RFX2: variants seen among roughly 807,000 people sequenced by gnomAD.
RFX2 encodes the protein DNA-binding protein RFX2.
Under a neutral mutation model 87.8 loss-of-function variants are expected in RFX2, and 20 were observed. That is an observed-to-expected ratio of 0.23 (90% CI 0.16 to 0.33). The LOEUF is 0.33. Ranked by LOEUF, RFX2 falls within the 10% of genes least tolerant of loss-of-function variation. The pLI is 1.00. For synonymous variants in RFX2, 397 were observed against 431.3 expected (o/e 0.92, Z 0.98); for missense variants, 767 against 1,012.3 (o/e 0.76, Z 3.29).
In RFX2 at chr19:6,045,154, A is replaced by G. The variant is rs1193960975; in HGVS notation, c.91-872T>C. On this transcript the variant is annotated intron_variant, in intron 2 of 17. Coordinates refer to ENST00000303657, the MANE Select transcript of RFX2 (RefSeq NM_000635.4). The surrounding 1 kb of genome is among the most constrained non-coding windows in gnomAD (Gnocchi z 5.2). ...ATCACGAGGGGTGATGGGTGAGGAC[A>G]CGCCATCCCCTGTGTTGCAGGAGTG... is the stretch of plus-strand genomic sequence containing the variant. Among the ~76,000 whole-genome samples, 1 of 152,144 alleles carries G rather than the reference A, an allele frequency of 6.6e-6. No individual in the cohort carries two copies. The highest frequency in any genetic ancestry group is 1.5e-5 in the Non-Finnish European group (1 of 68,028).
intron 5 of RFX2, among the ~76,000 whole-genome samples, chr19:6,028,247 C>T (rs544201734): frequency 3.3e-5 from 5 of 151,398 alleles, no homozygotes; most frequent in Non-Finnish European, 7.4e-5. Flanking sequence ...GGAATGATTC[C>T]GCATCTTCAC....
chr19:6,070,181 A>ATGGAAAGGGATGTGGATGGAG (rs2087583445), intron 1 of RFX2, among the ~76,000 whole-genome samples: 5 of 78 alleles, frequency 0.064, 1 homozygote, highest in Middle Eastern at 0.5. Flanking sequence ...ATGGGATGGG[A>ATGGAAAGGGATGTGGATGGAG]TGGGATGGGA....
At chr19:6,104,429 T>C (rs914531090) in intron 1 of RFX2, among the ~76,000 whole-genome samples, 7 of 148,202 alleles carry the variant, frequency 4.7e-5, no homozygotes, top group Non-Finnish European at 8.9e-5. Flanking sequence ...ATTAGCCAGT[T>C]GTGGTGGTGG....
At position 5,997,044 on chromosome 19, in the gene RFX2, C is replaced by T. The variant is rs1450209236; in HGVS notation, c.2013+16G>A. 5 of 1,603,800 alleles carry T rather than the reference C, an allele frequency of 3.1e-6. No homozygotes were observed. The highest frequency in any genetic ancestry group is 4.2e-6 in the Non-Finnish European group (5 of 1,177,218). ...CCCGGCCAAGCCCCGGCCGTCCCACCCAGGAGGGTCCTCACCTCTCCCATC... is the reference window on the plus strand; with the variant it reads ...CCCGGCCAAGCCCCGGCCGTCCCACTCAGGAGGGTCCTCACCTCTCCCATC... On this transcript the variant is annotated intron_variant, in intron 16 of 17. Coordinates refer to ENST00000303657, the MANE Select transcript of RFX2 (RefSeq NM_000635.4). This position sits in a 1 kb window ranked among gnomAD's most constrained non-coding sequence, Gnocchi z 4.2.
In RFX2 at chr19:6,040,485, C is replaced by T. The variant is rs1338734192; in HGVS notation, c.261-244G>A. 6.6e-6 allele frequency among the ~76,000 whole-genome samples: 1 copy of T among 152,170 alleles called. No individual in the cohort carries two copies. Among genetic ancestry groups the T allele is most frequent in the Non-Finnish European group, 1.5e-5 (1 of 68,030 alleles). On this transcript the variant is annotated intron_variant, in intron 4 of 17. Transcript: ENST00000303657. The surrounding 1 kb of genome is among the most constrained non-coding windows in gnomAD (Gnocchi z 6.1). ...GACCACTTAAAAATTCTAGGCCAGG[C>T]GTGGTGGCTCACGCCTGTAATCCCA...
chr19:6,048,869 C>T (rs372337528), intron 1 of RFX2, among the ~76,000 whole-genome samples: 4 of 147,520 alleles, frequency 2.7e-5, no homozygotes, highest in African/African-American at 9.9e-5. Context: ...CACCACCGCT[C>T]CCCGGCCCCC....
chr19:6,092,592 A>T (rs530875432), intron 1 of RFX2, among the ~76,000 whole-genome samples: 8 of 152,332 alleles, frequency 5.3e-5, no homozygotes, highest in Non-Finnish European at 7.3e-5. Context: ...CCAGCCCAGC[A>T]GCCAGGCCTC....
rs138462567 is a variant in RFX2 at position 6,002,388 on chromosome 19, C to T, written c.1650+333G>A. On this transcript the variant is annotated intron_variant, in intron 14 of 17. Transcript: ENST00000303657. This position sits in a 1 kb window ranked among gnomAD's most constrained non-coding sequence, Gnocchi z 6.7. ...GCATAGCTCGGAAGCTGCTGTGGGC[C>T]GACACTTTGCCAAGCCCAGGGGACA... Among the ~76,000 whole-genome samples the T allele has an allele frequency of 8.8e-4, 134 of 152,352 alleles. No homozygotes were observed. Among genetic ancestry groups the T allele is most frequent in the Non-Finnish European group, 1.5e-3 (100 of 68,036 alleles).
intron 6 of RFX2, among the ~76,000 whole-genome samples, chr19:6,025,632 GTTA>G (rs1041707008): frequency 3.3e-5 from 5 of 152,198 alleles, no homozygotes; most frequent in Admixed American, 2.6e-4. Flanking sequence ...GGTAGGTGTT[GTTA>G]TTATCTACCT....
chr19:5,998,433 C>T lies in RFX2; in HGVS notation c.1860-1220G>A, dbSNP rs373474252. 1.5e-3 allele frequency among the ~76,000 whole-genome samples: 225 copies of T among 152,330 alleles called. 1 individual carries two copies. Among genetic ancestry groups the T allele is most frequent in the African/African-American group, 5.1e-3 (213 of 41,568 alleles). On this transcript the variant is annotated intron_variant, in intron 15 of 17. Transcript: ENST00000303657. This position sits in a 1 kb window ranked among gnomAD's most constrained non-coding sequence, Gnocchi z 4.2. ...GGCGGCCCCCAATGCCCAACTGCCC[C>T]GGCTCGAAGTATACTTTCATAAACT... is the stretch of plus-strand genomic sequence containing the variant.
rs545490836 is a variant in RFX2 at position 6,048,517 on chromosome 19, T to A, written c.-8-1013A>T. ...GTGGCTTTGTGATCAGGCACACCAG[T>A]CCCCCGTCCTGGCACCAGCTTTGAG... On this transcript the variant is annotated intron_variant, in intron 1 of 17. Coordinates refer to ENST00000303657, the MANE Select transcript of RFX2 (RefSeq NM_000635.4). 6.6e-5 allele frequency among the ~76,000 whole-genome samples: 10 copies of A among 152,236 alleles called. No individual in the cohort carries two copies. The East Asian group carries it at 1.9e-3, about 29-fold the overall frequency.
At position 6,011,832 on chromosome 19, in the gene RFX2, GC is replaced by G. The variant is rs2086663430; in HGVS notation, c.899+1153del. 6.6e-6 allele frequency among the ~76,000 whole-genome samples: 1 copy of G among 152,342 alleles called. No homozygotes were observed. Among genetic ancestry groups the G allele is most frequent in the South Asian group, 2.1e-4 (1 of 4,826 alleles). On this transcript the variant is annotated intron_variant, in intron 8 of 17. Coordinates refer to ENST00000303657, the MANE Select transcript of RFX2 (RefSeq NM_000635.4). The surrounding 1 kb of genome is among the most constrained non-coding windows in gnomAD (Gnocchi z 4.8). ...AGGGTCCAGCACCAGGTGTAAAGGT[GC>G]CACGTGGGGCTATTGCAATGTGGCC...
At position 6,030,989 on chromosome 19, in the gene RFX2, C is replaced by A. The variant is rs60544750; in HGVS notation, c.523-4752G>T. ...ACCACCAACCTCATCAGAAAAGTCA[C>A]TAACTTTGAGAAGTTGTCAGGTTCC... On this transcript the variant is annotated intron_variant, in intron 5 of 17. Transcript: ENST00000303657. 4.6e-3 allele frequency among the ~76,000 whole-genome samples: 706 copies of A among 152,276 alleles called. 23 individuals carry two copies. The East Asian group carries it at 0.092, about 20-fold the overall frequency.
rs774870693 is a variant in RFX2 at position 6,047,453 on chromosome 19, G to A, written c.44C>T (p.Ala15Val). Reference sequence around the variant, plus strand: ...CGGGGCTGCCGCCGAGGGACGCAGAGCCACGGACGCTGGCGAATCCGCTCC... The same window carrying A: ...CGGGGCTGCCGCCGAGGGACGCAGAACCACGGACGCTGGCGAATCCGCTCC... ...EGGADSPASV[A>V]LRPSAAAPPV... The change falls in exon 2 of 18, where the codon GCT becomes GTT. Residue 15 changes from alanine to valine, a missense_variant. By Grantham distance (64) the Ala-to-Val change is moderately conservative. Transcript: ENST00000303657. This position sits in a 1 kb window ranked among gnomAD's most constrained non-coding sequence, Gnocchi z 4.2. 3.1e-6 allele frequency: 5 copies of A among 1,606,010 alleles called. No individual in the cohort carries two copies. Among genetic ancestry groups the A allele is most frequent in the Non-Finnish European group, 4.3e-6 (5 of 1,176,402 alleles).
rs59333446 is a variant in RFX2 at position 6,037,709 on chromosome 19, C to A, written c.522+2271G>T. ...TTTGAGTTTATATAAATAGTCAACG[C>A]AATACTGAAGAATAAAGTGGGAGGA... On this transcript the variant is annotated intron_variant, in intron 5 of 17. Coordinates refer to ENST00000303657, the MANE Select transcript of RFX2 (RefSeq NM_000635.4). Among the ~76,000 whole-genome samples, 522 of 152,216 alleles carry A rather than the reference C, an allele frequency of 3.4e-3. 1 individual carries two copies. Among genetic ancestry groups the A allele is most frequent in the African/African-American group, 0.011 (476 of 41,524 alleles).
At position 6,004,336 on chromosome 19, in the gene RFX2, G is replaced by A; in HGVS notation, c.1403-38C>T. ...GACCATGATATTACCAGGGAGAAAG[G>A]CAGTGACTGGACCCTGGAAATCAGC... is the stretch of plus-strand genomic sequence containing the variant. On this transcript the variant is annotated intron_variant, in intron 12 of 17. Coordinates refer to ENST00000303657, the MANE Select transcript of RFX2 (RefSeq NM_000635.4). This position sits in a 1 kb window ranked among gnomAD's most constrained non-coding sequence, Gnocchi z 4.8. 6.6e-7 allele frequency: 1 copy of A among 1,508,706 alleles called. No individual in the cohort carries two copies. Among genetic ancestry groups the A allele is most frequent in the East Asian group, 2.3e-5 (1 of 44,344 alleles). The allele number at this position is 1,508,706 out of a possible 1,614,324, so 93.5% of individuals were successfully genotyped here.
At chr19:6,042,354 T>C (rs2087122734) in intron 3 of RFX2, among the ~76,000 whole-genome samples, 1 of 152,166 alleles carries the variant, frequency 6.6e-6, no homozygotes, top group African/African-American at 2.4e-5. Context: ...TCCCCAGAGC[T>C]CTGCTAGCGT....
Position 6,042,074 on chromosome 19 carries a change from C to G in RFX2, c.230G>C (p.Gly77Ala), listed in dbSNP as rs773074998. ...TCCATTGGTGTAGACGGCGTCTCCC[C>G]CTTCCACGTACTGCACCTGGGCAGG... is the stretch of plus-strand genomic sequence containing the variant. ...VYPAQVQYVE[G>A]GDAVYTNGAI... is the part of the protein sequence containing the mutation. Residue 77 changes from glycine to alanine, a missense_variant, in exon 4 of 18, where the codon GGG becomes GCG. Coordinates refer to ENST00000303657, the MANE Select transcript of RFX2 (RefSeq NM_000635.4). 3 of 1,613,884 alleles carry G rather than the reference C, an allele frequency of 1.9e-6. No individual in the cohort carries two copies. The highest frequency in any genetic ancestry group is 1.3e-5 in the African/African-American group (1 of 74,886).
chr19:5,996,983 TG>T, intron 16 of RFX2, 76 bp downstream of exon 16: 2 of 1,453,370 alleles, frequency 1.4e-6, no homozygotes, highest in African/African-American at 1.4e-5. Context: ...GTCCTCTCTC[TG>T]GGCTGCTCAG....
Sources: allele counts gnomAD v4.1 joint callset (sites outside exome capture counted in the v4.1 genomes callset), GRCh38; gene constraint gnomAD v4.1.1; non-coding constraint Gnocchi (gnomAD v3.1); transcripts MANE v1.5; gene names NCBI Gene and HGNC (gene_info 2026-07-23, HGNC 2026-07-21).